The following PMEPA1 variants were observed in gnomAD, a reference collection of about 807,000 sequenced individuals.
The protein encoded by PMEPA1 is protein TMEPAI.
Under a neutral mutation model 23.0 loss-of-function variants are expected in PMEPA1, and 11 were observed. That is an observed-to-expected ratio of 0.48 (90% CI 0.30 to 0.79). The LOEUF is 0.79. Among genes scored for constraint, PMEPA1 ranks in the 30% least tolerant of loss-of-function variants. PMEPA1 has a pLI of 0.06. For synonymous variants in PMEPA1, 204 were observed against 166.4 expected (o/e 1.23, Z -1.74); for missense variants, 377 against 390.9 (o/e 0.96, Z 0.30).
Position 57,651,710 on chromosome 20 carries a change from A to G in PMEPA1, c.*343T>C, listed in dbSNP as rs2071231059. ...TTTGTGCAAATATGTCTTTAAAGTT[A>G]AGTGAAATTATCATAAACAAAAGAA... is the stretch of plus-strand genomic sequence containing the variant. On this transcript the variant is annotated 3_prime_UTR_variant, in exon 4 of 4. Transcript: ENST00000341744. The G allele has an allele frequency of 6.2e-6, 1 of 162,530 alleles. No individual in the cohort carries two copies. Among genetic ancestry groups the G allele is most frequent in the South Asian group, 2.0e-4 (1 of 4,942 alleles). The allele number at this position is 162,530 out of a possible 1,614,324, so 10.1% of individuals were successfully genotyped here.
chr20:57,676,635 C>A (rs965256462), intron 1 of PMEPA1, among the ~76,000 whole-genome samples: 2 of 152,242 alleles, frequency 1.3e-5, no homozygotes, highest in Admixed American at 6.5e-5. Context: ...CACGGTCCAG[C>A]TGCAGAGGCT....
At chr20:57,668,938 G>A (rs921603110) in intron 1 of PMEPA1, among the ~76,000 whole-genome samples, 5 of 151,978 alleles carry the variant, frequency 3.3e-5, no homozygotes, top group East Asian at 3.9e-4. Flanking sequence ...CAGCCTCCAG[G>A]ACCCCCATCC....
In PMEPA1 at chr20:57,709,847, G is replaced by C. The variant is rs2072146385; in HGVS notation, c.-265C>G. The stretch of plus-strand genomic sequence containing the variant: ...GCCCGCGGGTGGCGTCCGGAAAATG[G>C]GCTGGCAGCGGGGCGCGCGCTGCCG... On this transcript the variant is annotated 5_prime_UTR_variant, in exon 1 of 4. Transcript: ENST00000341744. The C allele has an allele frequency of 1.0e-6, 1 of 987,250 alleles. No homozygotes were observed. Among genetic ancestry groups the C allele is most frequent in the Non-Finnish European group, 1.2e-6 (1 of 831,640 alleles). 61.2% of individuals were successfully genotyped at this position (987,250 alleles called of 1,614,324 possible). A position where few individuals can be genotyped will look rare whatever the true frequency, so the allele number is the denominator to read the frequency against.
At chr20:57,657,608 G>T (rs544365619) in intron 2 of PMEPA1, among the ~76,000 whole-genome samples, 3 of 152,040 alleles carry the variant, frequency 2.0e-5, no homozygotes, top group African/African-American at 7.2e-5. Flanking sequence ...AGTGGGCCCC[G>T]GGTCTGTGGG....
upstream of PMEPA1, chr20:57,710,274 C>T (rs1600683234): frequency 7.9e-6 from 5 of 634,078 alleles, no homozygotes; most frequent in Admixed American, 4.0e-5. Flanking sequence ...CGCCCGGGGC[C>T]GGGGAGCCGA....
rs554113390 is a variant in PMEPA1, at chr20:57,704,090, G to A, written c.109+5384C>T. Among the ~76,000 whole-genome samples, 1 of 152,268 alleles carries A rather than the reference G, an allele frequency of 6.6e-6. No individual in the cohort carries two copies. Among genetic ancestry groups the A allele is most frequent in the South Asian group, 2.1e-4 (1 of 4,824 alleles). On this transcript the variant is annotated intron_variant, in intron 1 of 3. Coordinates refer to ENST00000341744, the MANE Select transcript of PMEPA1 (RefSeq NM_020182.5). The surrounding 1 kb of genome is among the most constrained non-coding windows in gnomAD (Gnocchi z 4.6). ...GGGGTCTGCCAGCAGGTTCTGTGGG[G>A]CTTCTTGGTGACAGGGGAGACAAAA...
chr20:57,697,909 G>A (rs766482701), intron 1 of PMEPA1, among the ~76,000 whole-genome samples: 1 of 152,194 alleles, frequency 6.6e-6, no homozygotes, highest in South Asian at 2.1e-4. Context: ...TGCAAAGAAC[G>A]AACAACCGCA....
At chr20:57,668,537 C>CA (rs2071524936) in intron 1 of PMEPA1, among the ~76,000 whole-genome samples, 1 of 152,252 alleles carries the variant, frequency 6.6e-6, no homozygotes, top group Non-Finnish European at 1.5e-5. Flanking sequence ...GAGCTGCAGG[C>CA]ATCCAAACTC....
At chr20:57,710,774 T>C (rs1370526604), upstream of PMEPA1, 2 of 360,808 alleles carry the variant, frequency 5.5e-6, no homozygotes, top group East Asian at 8.5e-5. Flanking sequence ...TTTTAGTTCA[T>C]TAAGTTTTAA....
Position 57,652,778 on chromosome 20 carries a change from G to A in PMEPA1, c.319-180C>T, listed in dbSNP as rs77481028. ...TCCCGCGGGGGCCCTGGCCTGGGGG[G>A]CAGCACTGCAGAGCTGCACCGCCCT... is the stretch of plus-strand genomic sequence containing the variant. On this transcript the variant is annotated intron_variant, in intron 3 of 3. Coordinates refer to ENST00000341744, the MANE Select transcript of PMEPA1 (RefSeq NM_020182.5). This position sits in a 1 kb window ranked among gnomAD's most constrained non-coding sequence, Gnocchi z 6.1. 1.4e-3 allele frequency among the ~76,000 whole-genome samples: 210 copies of A among 152,270 alleles called. 2 individuals carry two copies. The East Asian group carries it at 0.039, about 28-fold the overall frequency.
At chr20:57,696,975 C>G (rs1315435131) in intron 1 of PMEPA1, among the ~76,000 whole-genome samples, 1 of 152,238 alleles carries the variant, frequency 6.6e-6, no homozygotes, top group Non-Finnish European at 1.5e-5. Context: ...GGGAGGCTTG[C>G]TCTTGGAGTC....
intron 1 of PMEPA1, among the ~76,000 whole-genome samples, chr20:57,705,242 C>T (rs1405718472): frequency 1.3e-5 from 2 of 152,362 alleles, no homozygotes; most frequent in East Asian, 3.9e-4. Flanking sequence ...GCTAAACTCA[C>T]CTCGACCCTG....
chr20:57,684,085 G>C (rs898441754), intron 1 of PMEPA1, among the ~76,000 whole-genome samples: 6 of 152,186 alleles, frequency 3.9e-5, no homozygotes, highest in African/African-American at 1.4e-4. Flanking sequence ...TGGCAGAAAT[G>C]AGACGCAGTT....
chr20:57,708,512 G>C (rs1272943426), intron 1 of PMEPA1, among the ~76,000 whole-genome samples: 2 of 152,144 alleles, frequency 1.3e-5, no homozygotes, highest in African/African-American at 4.8e-5. Flanking sequence ...TTAGCGACAA[G>C]GTTCAAAACC....
In PMEPA1 at chr20:57,651,540, A is replaced by G. The variant is rs923872044; in HGVS notation, c.*513T>C. On this transcript the variant is annotated 3_prime_UTR_variant, in exon 4 of 4. Transcript: ENST00000341744. Reference sequence around the variant, plus strand: ...TCTGACTTGGCACTCAAAAATTGCCATTTTTTTCCTCTTCTAGTTCAGAAA... The same window carrying G: ...TCTGACTTGGCACTCAAAAATTGCCGTTTTTTTCCTCTTCTAGTTCAGAAA... 6.6e-6 allele frequency: 1 copy of G among 152,254 alleles called. No individual in the cohort carries two copies. Among genetic ancestry groups the G allele is most frequent in the Non-Finnish European group, 1.5e-5 (1 of 67,958 alleles). 9.4% of individuals were successfully genotyped at this position (152,254 alleles called of 1,614,324 possible).
In PMEPA1 at chr20:57,685,746, G is replaced by C. The variant is rs145427294; in HGVS notation, c.109+23728C>G. 5.8e-3 allele frequency among the ~76,000 whole-genome samples: 880 copies of C among 152,260 alleles called. 5 individuals are homozygous for C. The highest frequency in any genetic ancestry group is 0.017 in the African/African-American group (712 of 41,546). ...CTTGTTCTGGGAAGGCGCCTGCTAA[G>C]ATGTCTCTAACACCTAGTAGCAGCA... On this transcript the variant is annotated intron_variant, in intron 1 of 3. Transcript: ENST00000341744.
chr20:57,665,532 A>C (rs1012057880), intron 1 of PMEPA1, among the ~76,000 whole-genome samples: 1 of 150,824 alleles, frequency 6.6e-6, no homozygotes, highest in Non-Finnish European at 1.5e-5. Flanking sequence ...AAAAGAACCA[A>C]CCGGGGCAGG....
chr20:57,664,438 G>C (rs768912515), intron 1 of PMEPA1, among the ~76,000 whole-genome samples: 6 of 152,250 alleles, frequency 3.9e-5, no homozygotes, highest in Non-Finnish European at 8.8e-5. Flanking sequence ...AGACCCCTTG[G>C]GGGAGAGAAA....
chr20:57,709,588 G>A lies in PMEPA1; in HGVS notation c.-6C>T, dbSNP rs1339628984. 3 of 998,446 alleles carry A rather than the reference G, an allele frequency of 3.0e-6. No individual in the cohort carries two copies. In the African/African-American group the frequency reaches 5.4e-5, roughly 18 times the overall value. 61.8% of individuals were successfully genotyped at this position (998,446 alleles called of 1,614,324 possible). A position where few individuals can be genotyped will look rare whatever the true frequency, so the allele number is the denominator to read the frequency against. On this transcript the variant is annotated 5_prime_UTR_variant, in exon 1 of 4. Coordinates refer to ENST00000341744, the MANE Select transcript of PMEPA1 (RefSeq NM_020182.5). ...ACCCCCATCAAGCGGTGCATGGACG[G>A]CGCGGCGGCGCGGCGCGGGGCGCGG...
Sources: gnomAD v4.1 joint callset for allele counts (sites outside exome capture counted in the v4.1 genomes callset) on GRCh38, gnomAD v4.1.1 for gene constraint, Gnocchi (gnomAD v3.1) non-coding constraint, MANE v1.5 for transcripts, NCBI Gene and HGNC (gene_info 2026-07-23, HGNC 2026-07-21) for gene names.